Variants in IMMP2L observed in about 807,000 individuals in gnomAD.
IMMP2L encodes the protein inner mitochondrial membrane peptidase subunit 2.
A neutral mutation model predicts 19.3 loss-of-function variants in IMMP2L; 18 were observed. The observed-to-expected ratio is 0.93, with a 90% confidence interval of 0.64 to 1.38. IMMP2L has a LOEUF of 1.38. IMMP2L is among the 40% of genes most tolerant of loss of function. IMMP2L has a pLI of 0.00. For synonymous variants in IMMP2L, 76 were observed against 73.0 expected, an observed-to-expected ratio of 1.04 and a Z score of -0.21; for missense variants, 233 against 218.2, an observed-to-expected ratio of 1.07 and a Z score of -0.43.
At chr7:110,905,499 T>C (rs1812353750) in intron 4 of IMMP2L, among the ~76,000 whole-genome samples, 1 of 152,150 alleles carries the variant, frequency 6.6e-6, no homozygotes, top group South Asian at 2.1e-4. Context: ...TAAGAGGATC[T>C]AGCTGGTCTT....
At chr7:110,969,391 T>G (rs906539875) in intron 3 of IMMP2L, among the ~76,000 whole-genome samples, 8 of 152,072 alleles carry the variant, frequency 5.3e-5, no homozygotes, top group Non-Finnish European at 8.8e-5. Flanking sequence ...AGACTTTAGT[T>G]GTTTTTGGGG....
intron 3 of IMMP2L, among the ~76,000 whole-genome samples, chr7:111,287,813 A>C (rs1164551012): frequency 1.3e-5 from 2 of 152,182 alleles, no homozygotes; most frequent in Admixed American, 6.5e-5. Flanking sequence ...GCAGTTTCAC[A>C]GACAGGAGAA....
intron 3 of IMMP2L, among the ~76,000 whole-genome samples, chr7:111,209,952 AG>A (rs1811134552): frequency 6.6e-6 from 1 of 152,056 alleles, no homozygotes. Context: ...AGTTCATGGG[AG>A]GGAAGTACAG....
intron 1 of IMMP2L, among the ~76,000 whole-genome samples, chr7:111,561,345 C>T (rs1307466232): frequency 2.6e-5 from 4 of 152,168 alleles, no homozygotes; most frequent in African/African-American, 9.7e-5. Context: ...CTTGAGAGAT[C>T]CCAAAGAACT....
At chr7:110,998,281 A>G (rs530618537) in intron 3 of IMMP2L, among the ~76,000 whole-genome samples, 2 of 152,130 alleles carry the variant, frequency 1.3e-5, no homozygotes, top group South Asian at 4.1e-4. Context: ...GGGTAATCCA[A>G]TGGCCTTTCA....
intron 5 of IMMP2L, among the ~76,000 whole-genome samples, chr7:110,786,541 C>T (rs1262332531): frequency 6.6e-6 from 1 of 151,934 alleles, no homozygotes; most frequent in Non-Finnish European, 1.5e-5. Context: ...ACTCACGTAC[C>T]AGCCCTTCAG....
chr7:111,440,183 C>T (rs1837578151), intron 3 of IMMP2L, among the ~76,000 whole-genome samples: 1 of 151,834 alleles, frequency 6.6e-6, no homozygotes, highest in South Asian at 2.1e-4. Context: ...GACCTCCTCC[C>T]ATGAATCATG....
At chr7:110,999,303 T>A (rs1823378952) in intron 3 of IMMP2L, among the ~76,000 whole-genome samples, 2 of 140,328 alleles carry the variant, frequency 1.4e-5, no homozygotes, top group South Asian at 4.7e-4. Context: ...TAATTTGTTT[T>A]CTTTTTTTTT....
chr7:111,312,754 A>G (rs1823655088), intron 3 of IMMP2L, among the ~76,000 whole-genome samples: 1 of 152,100 alleles, frequency 6.6e-6, no homozygotes, highest in Non-Finnish European at 1.5e-5. Flanking sequence ...ACTGGCAATG[A>G]TATACTATTG....
rs568190443 is a variant in IMMP2L at position 111,259,827 on chromosome 7, ATT to A, written c.239+227409_239+227410del. Among the ~76,000 whole-genome samples the A allele has an allele frequency of 4.2e-3, 637 of 152,214 alleles. 6 individuals are homozygous for A. Among genetic ancestry groups the A allele is most frequent in the African/African-American group, 0.015 (611 of 41,530 alleles). On this transcript the variant is annotated intron_variant, in intron 3 of 5. Transcript: ENST00000405709. ...AAGTCATTTTCTATTTTAAAAAAAT[ATT>A]TTCTTTTTTAAAAAATGTTTTAAAT...
chr7:111,155,511 T>C (rs35329203), intron 3 of IMMP2L, among the ~76,000 whole-genome samples: 4,909 of 152,180 alleles, frequency 0.032, 128 homozygotes, highest in East Asian at 0.08. Flanking sequence ...AACCAATCTC[T>C]AAGCCATTTG....
intron 2 of IMMP2L, among the ~76,000 whole-genome samples, chr7:111,493,570 G>T (rs1245724405): frequency 1.3e-4 from 19 of 151,610 alleles, no homozygotes; most frequent in Non-Finnish European, 7.4e-5. Context: ...CCGGGCGTGG[G>T]GGCGGGCGCC....
At chr7:111,336,886 T>C (rs1826479340) in intron 3 of IMMP2L, among the ~76,000 whole-genome samples, 1 of 151,754 alleles carries the variant, frequency 6.6e-6, no homozygotes, top group South Asian at 2.1e-4. Flanking sequence ...TTATACTGAA[T>C]AAGGTAAAGT....
intron 3 of IMMP2L, among the ~76,000 whole-genome samples, chr7:111,234,956 T>G (rs566632178): frequency 6.6e-6 from 1 of 152,156 alleles, no homozygotes; most frequent in African/African-American, 2.4e-5. Context: ...CAAATAACTT[T>G]AAAAGAGTCT....
intron 3 of IMMP2L, among the ~76,000 whole-genome samples, chr7:111,040,742 C>A (rs1047424533): frequency 3.4e-5 from 5 of 148,344 alleles, no homozygotes; most frequent in Non-Finnish European, 6.0e-5. Flanking sequence ...TATATAAAAT[C>A]TTATAAACCT....
chr7:110,786,149 T>C (rs529147146), intron 5 of IMMP2L, among the ~76,000 whole-genome samples: 2 of 151,954 alleles, frequency 1.3e-5, no homozygotes, highest in Middle Eastern at 3.2e-3. Flanking sequence ...CAGTCTAAGA[T>C]AGAAACAGCT....
chr7:110,866,713 C>T (rs1203799046), intron 5 of IMMP2L, among the ~76,000 whole-genome samples: 5 of 152,002 alleles, frequency 3.3e-5, no homozygotes, highest in Admixed American at 6.6e-5. Context: ...CAAAGGTTTC[C>T]GAGAGACACA....
At chr7:111,013,406 A>G (rs1412635516) in intron 3 of IMMP2L, among the ~76,000 whole-genome samples, 1 of 152,174 alleles carries the variant, frequency 6.6e-6, no homozygotes. Context: ...GAAAGTAGCA[A>G]TAAGGACAGA....
chr7:111,404,412 G>A (rs1319868708), intron 3 of IMMP2L, among the ~76,000 whole-genome samples: 1 of 152,068 alleles, frequency 6.6e-6, no homozygotes, highest in Non-Finnish European at 1.5e-5. Context: ...GCATTCAAAT[G>A]TAATAGACAC....
Sources: allele counts gnomAD v4.1 joint callset (sites outside exome capture counted in the v4.1 genomes callset), GRCh38; gene constraint gnomAD v4.1.1; transcripts MANE v1.5; gene names NCBI Gene and HGNC (gene_info 2026-07-23, HGNC 2026-07-21).